The following BCO2 variants were observed in gnomAD, a reference collection of about 807,000 sequenced individuals.
BCO2 encodes beta-carotene oxygenase 2, also known as carotenoid-cleaving dioxygenase, mitochondrial.
Under a neutral mutation model 65.8 loss-of-function variants are expected in BCO2, and 56 were observed. That is an observed-to-expected ratio of 0.85 (90% CI 0.69 to 1.06). The LOEUF is 1.06. BCO2 is among the 50% of genes least tolerant of loss of function. The pLI is 0.00. For synonymous variants in BCO2, 233 were observed against 242.3 expected (o/e 0.96, Z 0.36); for missense variants, 675 against 698.5 (o/e 0.97, Z 0.38).
chr11:112,184,029 A>G (rs749718430), intron 2 of BCO2, among the ~76,000 whole-genome samples: 1 of 152,222 alleles, frequency 6.6e-6, no homozygotes, highest in South Asian at 2.1e-4. Context: ...TTCTCATACA[A>G]TCATCACAAG....
At chr11:112,217,375 T>C (rs1859710448) in intron 11 of BCO2, among the ~76,000 whole-genome samples, 1 of 152,180 alleles carries the variant, frequency 6.6e-6, no homozygotes, top group South Asian at 2.1e-4. Context: ...TTTTCTTTTC[T>C]TTTTAAAGAC....
chr11:112,216,413 G>A (rs979266051), intron 11 of BCO2, 83 bp downstream of exon 11: 17 of 953,052 alleles, frequency 1.8e-5, no homozygotes, highest in East Asian at 7.3e-5. Flanking sequence ...CTCATCTGTC[G>A]ATAGTTTACT....
intron 1 of BCO2, among the ~76,000 whole-genome samples, chr11:112,177,579 G>C (rs1866918339): frequency 6.6e-6 from 1 of 152,116 alleles, no homozygotes; most frequent in Non-Finnish European, 1.5e-5. Flanking sequence ...CACCTTATTG[G>C]ACTGATCATT....
Position 112,193,684 on chromosome 11 carries a change from T to C in BCO2, c.504T>C (p.Pro168=), listed in dbSNP as rs1246832014. 6.2e-7 allele frequency: 1 copy of C among 1,613,354 alleles called. No individual in the cohort carries two copies. The highest frequency in any genetic ancestry group is 8.5e-7 in the Non-Finnish European group (1 of 1,179,636). Residue 168 remains proline, a synonymous_variant, in exon 3 of 12, where the codon CCT becomes CCC. Transcript: ENST00000357685. The stretch of plus-strand genomic sequence containing the variant: ...GTTTCATGTCCAGGTTTGAGCTGCC[T>C]GGTAAAGCTGCAGGTGATAGTGATG... ...FERFMSRFEL[P]GKAAAMTDNT... is the part of the protein sequence containing the mutation.
At chr11:112,187,666 A>C (rs1443469056) in intron 2 of BCO2, among the ~76,000 whole-genome samples, 2 of 152,090 alleles carry the variant, frequency 1.3e-5, no homozygotes, top group African/African-American at 4.8e-5. Context: ...GCACTTCCCC[A>C]CACTTCTGAT....
chr11:112,188,993 A>G (rs1867290121), intron 2 of BCO2, among the ~76,000 whole-genome samples: 1 of 152,216 alleles, frequency 6.6e-6, no homozygotes, highest in African/African-American at 2.4e-5. Context: ...TTTGAAAAAT[A>G]CTACCAAAGT....
chr11:112,195,202 C>CT (rs1353804560), intron 5 of BCO2, among the ~76,000 whole-genome samples: 7 of 6,400 alleles, frequency 1.1e-3, no homozygotes, highest in Non-Finnish European at 1.4e-3. Flanking sequence ...GTGGCGCAAT[C>CT]TCGCTCATTG....
At chr11:112,206,157 A>T (rs1034909398) in intron 8 of BCO2, among the ~76,000 whole-genome samples, 6 of 145,596 alleles carry the variant, frequency 4.1e-5, no homozygotes, top group Non-Finnish European at 6.0e-5. Context: ...CTTCCCAGAC[A>T]GGGCGGGGGC....
Position 112,199,720 on chromosome 11 carries a change from G to T in BCO2, c.758G>T (p.Arg253Leu). The T allele has an allele frequency of 6.2e-7, 1 of 1,613,516 alleles. No individual in the cohort carries two copies. The highest frequency in any genetic ancestry group is 1.1e-5 in the South Asian group (1 of 91,058). Residue 253 changes from arginine to leucine, a missense_variant, in exon 6 of 12, where the codon CGG becomes CTG. Arg to Leu is a moderately radical substitution (Grantham distance 102). Transcript: ENST00000357685. ...GPYGFSYKVI[R>L]VPPEKVDLGE... Reference sequence around the variant, plus strand: ...TCAGGTTTCTCCTATAAGGTTATTCGGGTTCCTCCAGAGAAGGTGGACCTT... The same window carrying T: ...TCAGGTTTCTCCTATAAGGTTATTCTGGTTCCTCCAGAGAAGGTGGACCTT...
intron 2 of BCO2, chr11:112,183,150 G>A: frequency 8.1e-7 from 1 of 1,242,224 alleles, no homozygotes; most frequent in Non-Finnish European, 1.2e-6. Flanking sequence ...TATATTTGAA[G>A]AGATGCTAAC....
chr11:112,183,530 T>C (rs1867116331), intron 2 of BCO2, among the ~76,000 whole-genome samples: 1 of 152,202 alleles, frequency 6.6e-6, no homozygotes, highest in Non-Finnish European at 1.5e-5. Context: ...ACCATCTTGG[T>C]TTGAGATGCA....
rs571484390 is a variant in BCO2, at chr11:112,202,217, A to C, written c.1194+27A>C. 9 of 1,581,110 alleles carry C rather than the reference A, an allele frequency of 5.7e-6. No homozygotes were observed. In the East Asian group the frequency reaches 1.6e-4, roughly 28 times the overall value. On this transcript the variant is annotated intron_variant, in intron 8 of 11. Coordinates refer to ENST00000357685, the MANE Select transcript of BCO2 (RefSeq NM_031938.7). Reference sequence around the variant, plus strand: ...TAAACATTAGAATTTGTCAAGAGTCATCAAAATAATTTTGAACTCCAAGAT... The same window carrying C: ...TAAACATTAGAATTTGTCAAGAGTCCTCAAAATAATTTTGAACTCCAAGAT...
intron 1 of BCO2, among the ~76,000 whole-genome samples, chr11:112,178,720 C>T (rs904951282): frequency 4.6e-5 from 7 of 152,142 alleles, no homozygotes; most frequent in African/African-American, 1.7e-4. Flanking sequence ...CACCCTTCTA[C>T]TGGAAAATGC....
At chr11:112,189,500 G>C (rs1644772326) in intron 2 of BCO2, among the ~76,000 whole-genome samples, 1 of 151,826 alleles carries the variant, frequency 6.6e-6, no homozygotes. Flanking sequence ...CCACCTCCCG[G>C]GTTCATGCCA....
intron 8 of BCO2, among the ~76,000 whole-genome samples, chr11:112,209,863 AT>A (rs1483185467): frequency 6.6e-6 from 1 of 151,890 alleles, no homozygotes; most frequent in Non-Finnish European, 1.5e-5. Flanking sequence ...CTTTGTTACT[AT>A]TTTGTTTAGA....
At position 112,179,311 on chromosome 11, in the gene BCO2, A is replaced by C; in HGVS notation, c.122A>C (p.Lys41Thr). 1.9e-6 allele frequency: 3 copies of C among 1,614,204 alleles called. No homozygotes were observed. The highest frequency in any genetic ancestry group is 2.5e-6 in the Non-Finnish European group (3 of 1,180,028). ...AGGTACATGGGAAATACTCCTCAGAAAAAAGCCGTCTTTGGGCAGTGTCGG... is the reference window on the plus strand; with the variant it reads ...AGGTACATGGGAAATACTCCTCAGACAAAAGCCGTCTTTGGGCAGTGTCGG... Reference protein sequence around the residue: ...FKRYMGNTPQKKAVFGQCRGL... With the variant: ...FKRYMGNTPQTKAVFGQCRGL... Residue 41 changes from lysine (K) to threonine (T), a missense_variant, in exon 2 of 12, where the codon AAA becomes ACA. Lys to Thr is a moderately conservative substitution (Grantham distance 78). Coordinates refer to ENST00000357685, the MANE Select transcript of BCO2 (RefSeq NM_031938.7).
intron 8 of BCO2, among the ~76,000 whole-genome samples, chr11:112,203,426 T>C (rs1017698635): frequency 1.3e-5 from 2 of 152,226 alleles, no homozygotes; most frequent in African/African-American, 2.4e-5. Context: ...GTCTATAAAT[T>C]TTAGAATCCA....
At position 112,217,804 on chromosome 11, in the gene BCO2, A is replaced by T; in HGVS notation, c.1670A>T (p.Glu557Val). The T allele has an allele frequency of 6.2e-7, 1 of 1,614,144 alleles. No homozygotes were observed. Among genetic ancestry groups the T allele is most frequent in the Non-Finnish European group, 8.5e-7 (1 of 1,179,988 alleles). The change falls in exon 12 of 12, where the codon GAA (glutamate) becomes GTA (valine). Residue 557 changes from glutamate to valine, a missense_variant. Glu to Val is a moderately radical substitution (Grantham distance 121, BLOSUM62 -2). Coordinates refer to ENST00000357685, the MANE Select transcript of BCO2 (RefSeq NM_031938.7). ...FILVLDAKNF[E>V]ELGRAEVPVQ... ...CTAGTTTTGGATGCCAAGAACTTTG[A>T]AGAGCTGGGCCGAGCAGAGGTACCT...
chr11:112,194,198 C>T lies in BCO2; in HGVS notation c.633+204C>T, dbSNP rs574797923. 294 of 525,836 alleles carry T rather than the reference C, an allele frequency of 5.6e-4. 1 individual carries two copies. In the East Asian group the frequency reaches 9.1e-3, roughly 16 times the overall value. The allele number at this position is 525,836 out of a possible 1,614,324, so 32.6% of individuals were successfully genotyped here. On this transcript the variant is annotated intron_variant, in intron 4 of 11. Coordinates refer to ENST00000357685, the MANE Select transcript of BCO2 (RefSeq NM_031938.7). ...CTTAAATATAATTCTAAACTCCTTC[C>T]TTAGTCCTAATATCTGAAGGCTAGG...
Sources: gnomAD v4.1 joint callset for allele counts (sites outside exome capture counted in the v4.1 genomes callset) on GRCh38, gnomAD v4.1.1 for gene constraint, MANE v1.5 for transcripts, NCBI Gene and HGNC (gene_info 2026-07-23, HGNC 2026-07-21) for gene names.